Variants in MAP2 observed in about 807,000 individuals in gnomAD.
MAP2 encodes microtubule-associated protein 2.
Under a neutral mutation model 137.6 loss-of-function variants are expected in MAP2, and 14 were observed. That is an observed-to-expected ratio of 0.10 (90% confidence interval 0.07 to 0.16). The LOEUF (loss-of-function observed/expected upper bound fraction) is 0.16, where lower values mean the gene tolerates loss of function less well. Among genes scored for constraint, MAP2 ranks in the 10% least tolerant of loss-of-function variants. MAP2 has a pLI of 1.00. For missense variants in MAP2, 2,088 were observed against 2,191.5 expected (o/e 0.95, Z 0.94); for synonymous variants, 786 against 782.3 (o/e 1.00, Z -0.08).
chr2:209,696,719 T>A lies in MAP2; in HGVS notation c.4358T>A (p.Val1453Asp), dbSNP rs766265464. 10 of 1,611,740 alleles carry A rather than the reference T, an allele frequency of 6.2e-6. No homozygotes were observed. The highest frequency in any genetic ancestry group is 8.5e-6 in the Non-Finnish European group (10 of 1,179,494). Residue 1453 changes from valine (V) to aspartate (D), a missense_variant, in exon 9 of 16, where the codon GTC becomes GAC. By Grantham distance (152) the Val-to-Asp change is radical (BLOSUM62 -3). Around this residue, in one of 6 missense-constraint regions of MAP2, gnomAD observed 591 missense variants for 642.6 expected, o/e 0.92. Transcript: ENST00000682079. The part of the protein sequence containing the change: ...RKVAKKEPST[V>D]SRDEVRRKKA... ...GTAGCTAAAAAGGAACCTAGCACAG[T>A]CTCCAGAGATGAAGTGAGAAGGAAA...
chr2:209,435,128 T>C (rs549352661), intron 1 of MAP2, among the ~76,000 whole-genome samples: 5 of 151,184 alleles, frequency 3.3e-5, no homozygotes, highest in African/African-American at 1.2e-4. Context: ...AGAAAAGTAA[T>C]TAATTTCTTC....
At chr2:209,484,161 T>A (rs572396775) in intron 1 of MAP2, among the ~76,000 whole-genome samples, 36 of 152,274 alleles carry the variant, frequency 2.4e-4, no homozygotes, top group African/African-American at 8.2e-4. Flanking sequence ...TTGAAAAAAA[T>A]GATTTTTAAC....
intron 2 of MAP2, among the ~76,000 whole-genome samples, chr2:209,508,211 G>A (rs1432077364): frequency 6.6e-6 from 1 of 151,606 alleles, no homozygotes; most frequent in African/African-American, 2.4e-5. Flanking sequence ...AACCTCAGAA[G>A]GCCCTCACAG....
chr2:209,638,880 C>T (rs1291096232), intron 4 of MAP2, among the ~76,000 whole-genome samples: 1 of 152,014 alleles, frequency 6.6e-6, no homozygotes, highest in Non-Finnish European at 1.5e-5. Flanking sequence ...ACCTGGTATT[C>T]AATCAATGAT....
intron 4 of MAP2, among the ~76,000 whole-genome samples, chr2:209,636,476 G>A (rs2093574046): frequency 6.6e-6 from 1 of 151,800 alleles, no homozygotes; most frequent in Non-Finnish European, 1.5e-5. Context: ...TCCTGTTTTT[G>A]GAGTGTGAGA....
At chr2:209,569,281 A>C (rs560210653) in intron 2 of MAP2, among the ~76,000 whole-genome samples, 1 of 151,924 alleles carries the variant, frequency 6.6e-6, no homozygotes, top group Admixed American at 6.6e-5. Flanking sequence ...AAGGTAATTT[A>C]TGCTTCTTAT....
At chr2:209,551,232 G>T (rs575120324) in intron 2 of MAP2, among the ~76,000 whole-genome samples, 9 of 152,132 alleles carry the variant, frequency 5.9e-5, no homozygotes, top group Non-Finnish European at 1.0e-4. Flanking sequence ...GACAGAAATA[G>T]ATTGCATATG....
At chr2:209,726,144 G>GT (rs1463633551) in intron 14 of MAP2, among the ~76,000 whole-genome samples, 9 of 151,836 alleles carry the variant, frequency 5.9e-5, no homozygotes, top group Non-Finnish European at 1.0e-4. Context: ...CATTTCCAAG[G>GT]TTTTTTTTCC....
chr2:209,690,628 G>A, intron 7 of MAP2: 6 of 1,288,546 alleles, frequency 4.7e-6, no homozygotes, highest in Non-Finnish European at 6.1e-6. Context: ...AGAGTCGGAT[G>A]GCTGAGGAAG....
intron 3 of MAP2, among the ~76,000 whole-genome samples, chr2:209,595,324 A>G (rs1053391059): frequency 1.3e-5 from 2 of 152,202 alleles, no homozygotes; most frequent in African/African-American, 4.8e-5. Context: ...CCACAAAACT[A>G]TTATTGATTT....
chr2:209,487,469 A>G (rs1232777133), intron 1 of MAP2, among the ~76,000 whole-genome samples: 1 of 152,214 alleles, frequency 6.6e-6, no homozygotes, highest in East Asian at 1.9e-4. Flanking sequence ...TTGTGGTATT[A>G]ATCTTAAAAG....
At chr2:209,495,388 G>A (rs1270651387) in intron 1 of MAP2, among the ~76,000 whole-genome samples, 2 of 152,218 alleles carry the variant, frequency 1.3e-5, no homozygotes, top group South Asian at 2.1e-4. Context: ...GCCTCATAAC[G>A]GGGAGATACC....
At chr2:209,724,262 T>C (rs2153809941) in intron 13 of MAP2, among the ~76,000 whole-genome samples, 1 of 152,296 alleles carries the variant, frequency 6.6e-6, no homozygotes, top group South Asian at 2.1e-4. Context: ...GGGATTTTTT[T>C]TCCTGTCTCT....
Position 209,730,555 on chromosome 2 carries a change from A to G in MAP2, c.*158A>G, listed in dbSNP as rs1318739237. ...GTTACAATTTTCTATTTAAAAAATG[A>G]ATAGTACATGCAGAAATTGACCTGA... is the stretch of plus-strand genomic sequence containing the variant. On this transcript the variant is annotated 3_prime_UTR_variant, in exon 16 of 16. Transcript: ENST00000682079. 10 of 624,282 alleles carry G rather than the reference A, an allele frequency of 1.6e-5. No individual in the cohort carries two copies. Among genetic ancestry groups the G allele is most frequent in the South Asian group, 4.0e-5 (2 of 49,698 alleles). The allele number at this position is 624,282 out of a possible 1,614,324, so 38.7% of individuals were successfully genotyped here.
At chr2:209,516,905 C>T (rs985408435) in intron 2 of MAP2, among the ~76,000 whole-genome samples, 3 of 152,172 alleles carry the variant, frequency 2.0e-5, no homozygotes, top group South Asian at 4.2e-4. Context: ...AGAGAGAAAT[C>T]GTACTTACAT....
Position 209,554,486 on chromosome 2 carries a change from A to G in MAP2, c.-171-25550A>G, listed in dbSNP as rs550409959. Among the ~76,000 whole-genome samples the G allele has an allele frequency of 3.9e-5, 6 of 152,304 alleles. No homozygotes were observed. The South Asian group carries it at 1.2e-3, about 32-fold the overall frequency. On this transcript the variant is annotated intron_variant, in intron 2 of 15. Coordinates refer to ENST00000682079, the MANE Select transcript of MAP2 (RefSeq NM_001375505.1). Reference sequence around the variant, plus strand: ...TGAAGAATGCAGACTGGAGAATGAAAGTCTAATAGGTTGGTTTGGGGTCGG... The same window carrying G: ...TGAAGAATGCAGACTGGAGAATGAAGGTCTAATAGGTTGGTTTGGGGTCGG...
chr2:209,733,881 G>GA lies in MAP2; in HGVS notation c.*3493dup, dbSNP rs137944482. The GA allele has an allele frequency of 0.087, 13,192 of 151,332 alleles. 659 individuals carry two copies. The highest frequency in any genetic ancestry group is 0.23 in the East Asian group (1,163 of 5,142). The allele number at this position is 151,332 out of a possible 1,614,324, so 9.4% of individuals were successfully genotyped here. A position where few individuals can be genotyped will look rare whatever the true frequency, so the allele number is the denominator to read the frequency against. Reference sequence around the variant, plus strand: ...AAATCTACTTCAACTTTAGCAAAAAGAAAAAAAAATCAACAAAAAGTATAC... The same window carrying GA: ...AAATCTACTTCAACTTTAGCAAAAAGAAAAAAAAAATCAACAAAAAGTATAC... On this transcript the variant is annotated 3_prime_UTR_variant, in exon 16 of 16. Transcript: ENST00000682079.
At position 209,691,917 on chromosome 2, in the gene MAP2, T is replaced by C. The variant is rs1408761203; in HGVS notation, c.455-708T>C. Among the ~76,000 whole-genome samples, 4 of 152,320 alleles carry C rather than the reference T, an allele frequency of 2.6e-5. No homozygotes were observed. The South Asian group carries it at 6.2e-4, about 24-fold the overall frequency. ...TTAGGAATTTAAATTTTTAAATATG[T>C]AATAGAAACTGGCTTGTAAATTCTT... is the stretch of plus-strand genomic sequence containing the variant. On this transcript the variant is annotated intron_variant, in intron 7 of 15. Transcript: ENST00000682079.
chr2:209,564,470 T>C (rs1471919147), intron 2 of MAP2, among the ~76,000 whole-genome samples: 1 of 151,300 alleles, frequency 6.6e-6, no homozygotes, highest in Non-Finnish European at 1.5e-5. Flanking sequence ...GAATGCATGT[T>C]GGACTGATGG....
Sources: allele counts gnomAD v4.1 joint callset (sites outside exome capture counted in the v4.1 genomes callset), GRCh38; gene constraint gnomAD v4.1.1; regional missense constraint gnomAD v4.1.1; transcripts MANE v1.5; gene names NCBI Gene and HGNC (gene_info 2026-07-23, HGNC 2026-07-21).